Variants in TMEM266 observed in about 807,000 individuals in gnomAD.
The protein encoded by TMEM266 is Hv1 related protein 1.
TMEM266 carries 33 observed loss-of-function variants against 50.5 expected under a neutral mutation model. That is an observed-to-expected ratio of 0.65 (90% CI 0.50 to 0.87). TMEM266 has a LOEUF of 0.87. Among genes scored for constraint, TMEM266 ranks in the 40% least tolerant of loss-of-function variants. The pLI is 0.00. For synonymous variants in TMEM266, 310 were observed against 292.3 expected (o/e 1.06, Z -0.62); for missense variants, 655 against 695.1 (o/e 0.94, Z 0.65).
chr15:76,105,381 C>G (rs764477345), intron 1 of TMEM266, among the ~76,000 whole-genome samples: 3 of 152,240 alleles, frequency 2.0e-5, no homozygotes, highest in Non-Finnish European at 4.4e-5. Flanking sequence ...TTTCATCTCC[C>G]TGGTGCATCC....
At chr15:76,095,441 G>A (rs1358884111) in intron 1 of TMEM266, among the ~76,000 whole-genome samples, 10 of 152,064 alleles carry the variant, frequency 6.6e-5, no homozygotes, top group Non-Finnish European at 1.2e-4. Context: ...TGTTGAACCA[G>A]CCTTGCATCC....
chr15:76,178,732 C>A (rs1393043582), intron 8 of TMEM266: 1 of 152,248 alleles, frequency 6.6e-6, no homozygotes, highest in Non-Finnish European at 1.5e-5. Flanking sequence ...CCCTTGCATT[C>A]TGCACAGGAA....
intron 1 of TMEM266, among the ~76,000 whole-genome samples, chr15:76,060,508 C>A (rs916932500): frequency 3.9e-5 from 6 of 152,172 alleles, no homozygotes; most frequent in African/African-American, 1.4e-4. Context: ...TGGGCTTCCC[C>A]CGTTTGTCGG....
intron 8 of TMEM266, among the ~76,000 whole-genome samples, chr15:76,177,124 C>A (rs1194519972): frequency 6.6e-6 from 1 of 152,190 alleles, no homozygotes; most frequent in African/African-American, 2.4e-5. Context: ...CCTGCAGCAG[C>A]CCTCACTTGT....
intron 5 of TMEM266, among the ~76,000 whole-genome samples, chr15:76,163,501 G>A (rs747324208): frequency 5.9e-5 from 9 of 152,166 alleles, no homozygotes; most frequent in South Asian, 2.1e-4. Context: ...GGGTCACTGC[G>A]CTTCACGTGG....
At chr15:76,158,771 T>C (rs2142049222) in intron 4 of TMEM266, among the ~76,000 whole-genome samples, 1 of 152,326 alleles carries the variant, frequency 6.6e-6, no homozygotes, top group South Asian at 2.1e-4. Context: ...GCCTCTTCGT[T>C]CCCACTGGTA....
rs376580547 is a variant in TMEM266, at chr15:76,138,222, CAAAAAAAAAA to C, written c.227+346_227+355del. 4.2e-5 allele frequency among the ~76,000 whole-genome samples: 3 copies of C among 71,882 alleles called. No homozygotes were observed. In the East Asian group the frequency reaches 1.5e-3, roughly 35 times the overall value. 47.2% of individuals were successfully genotyped at this position (71,882 alleles called of 152,430 possible). A position where few individuals can be genotyped will look rare whatever the true frequency, so the allele number is the denominator to read the frequency against. ...GGGCGACAAGAGTAAAACTCTGTCT[CAAAAAAAAAA>C]AAAAAAAAAAAAAAAAAATTCCCTG... On this transcript the variant is annotated intron_variant, in intron 3 of 10. Transcript: ENST00000388942.
At chr15:76,134,617 TC>T (rs1158261674) in intron 2 of TMEM266, among the ~76,000 whole-genome samples, 1 of 152,242 alleles carries the variant, frequency 6.6e-6, no homozygotes, top group African/African-American at 2.4e-5. Flanking sequence ...TATGAACCAA[TC>T]ACTTAATCTT....
intron 1 of TMEM266, among the ~76,000 whole-genome samples, chr15:76,107,418 G>T (rs1301080294): frequency 6.6e-6 from 1 of 152,176 alleles, no homozygotes; most frequent in Non-Finnish European, 1.5e-5. Context: ...ACTGCGTTGA[G>T]TACTTCCTGG....
At chr15:76,175,811 A>T in intron 8 of TMEM266, 137 bp downstream of exon 8, 2 of 647,510 alleles carry the variant, frequency 3.1e-6, no homozygotes, top group Non-Finnish European at 5.4e-6. Context: ...CTCATGGGGA[A>T]CCTGAAGCCC....
In TMEM266 at chr15:76,182,512, C is replaced by T. The variant is rs188953182; in HGVS notation, c.768+6838C>T. ...ATAAAAAATTAGCCCGGTGTGGTGG[C>T]GGGTGCCTGTGGTCCCAGCTACTCA... is the stretch of plus-strand genomic sequence containing the variant. On this transcript the variant is annotated intron_variant, in intron 8 of 10. Coordinates refer to ENST00000388942, the MANE Select transcript of TMEM266 (RefSeq NM_152335.3). Among the ~76,000 whole-genome samples, 1,466 of 151,836 alleles carry T rather than the reference C, an allele frequency of 9.7e-3. 29 individuals are homozygous for T. The highest frequency in any genetic ancestry group is 0.034 in the African/African-American group (1,412 of 41,350).
chr15:76,084,139 C>T (rs1308393822), intron 1 of TMEM266, among the ~76,000 whole-genome samples: 1 of 151,846 alleles, frequency 6.6e-6, no homozygotes, highest in South Asian at 2.1e-4. Flanking sequence ...ATAGTGAGAC[C>T]CTCTCTTTAT....
intron 1 of TMEM266, among the ~76,000 whole-genome samples, chr15:76,067,087 A>G (rs2036437563): frequency 6.6e-6 from 1 of 152,194 alleles, no homozygotes; most frequent in South Asian, 2.1e-4. Context: ...TAGGATCAAT[A>G]CAGAAAACTC....
At chr15:76,083,497 T>G (rs2036726991) in intron 1 of TMEM266, among the ~76,000 whole-genome samples, 1 of 152,090 alleles carries the variant, frequency 6.6e-6, no homozygotes, top group South Asian at 2.1e-4. Context: ...CATATTCCCT[T>G]CTACCGTAGG....
chr15:76,194,194 T>G (rs758481074), intron 9 of TMEM266, among the ~76,000 whole-genome samples: 1 of 152,274 alleles, frequency 6.6e-6, no homozygotes, highest in Non-Finnish European at 1.5e-5. Context: ...TGTAGCCTCG[T>G]GCAGAACTTC....
chr15:76,119,097 G>A (rs2037296850), intron 1 of TMEM266, among the ~76,000 whole-genome samples: 1 of 152,162 alleles, frequency 6.6e-6, no homozygotes, highest in Non-Finnish European at 1.5e-5. Context: ...GCAAATCCAG[G>A]AAATCCTGGT....
Position 76,160,153 on chromosome 15 carries a change from C to T in TMEM266, c.441C>T (p.Ser147=), listed in dbSNP as rs377735297. 4.2e-5 allele frequency: 68 copies of T among 1,613,960 alleles called. No homozygotes were observed. Among genetic ancestry groups the T allele is most frequent in the Admixed American group, 6.7e-5 (4 of 59,996 alleles). The change falls in exon 5 of 11, where the codon TCC becomes TCT. Residue 147 remains serine, a synonymous_variant. Transcript: ENST00000388942. This position sits in a 1 kb window ranked among gnomAD's most constrained non-coding sequence, Gnocchi z 5.7. The stretch of plus-strand genomic sequence containing the variant: ...ACTGGATCAGCCTGGTCATTCTGTC[C>T]GTGTTCTTCTCAGAGGTAGGTGGAG...
chr15:76,156,206 A>T (rs2037922128), intron 3 of TMEM266, among the ~76,000 whole-genome samples: 1 of 152,130 alleles, frequency 6.6e-6, no homozygotes, highest in African/African-American at 2.4e-5. Context: ...ACAAAAATAC[A>T]AAAATTAGCC....
intron 8 of TMEM266, among the ~76,000 whole-genome samples, chr15:76,185,237 C>G (rs1475078107): frequency 6.6e-6 from 1 of 152,176 alleles, no homozygotes; most frequent in Non-Finnish European, 1.5e-5. Flanking sequence ...CCTCTTGGAG[C>G]TCCAGTTGTA....
Sources: gnomAD v4.1 joint callset for allele counts (sites outside exome capture counted in the v4.1 genomes callset) on GRCh38, gnomAD v4.1.1 for gene constraint, Gnocchi (gnomAD v3.1) non-coding constraint, MANE v1.5 for transcripts, NCBI Gene and HGNC (gene_info 2026-07-23, HGNC 2026-07-21) for gene names.